Variants in C3orf20 observed in about 807,000 individuals in gnomAD.
The protein encoded by C3orf20 is uncharacterized protein C3orf20.
Under a neutral mutation model 88.3 loss-of-function variants are expected in C3orf20, and 76 were observed. The observed-to-expected ratio is 0.86, with a 90% confidence interval of 0.72 to 1.04. The LOEUF (loss-of-function observed/expected upper bound fraction) is 1.04. Ranked by LOEUF, C3orf20 falls within the 50% of genes least tolerant of loss-of-function variation. C3orf20 has a pLI of 0.00. For missense variants in C3orf20, 1,056 were observed against 1,123.3 expected, an observed-to-expected ratio of 0.94 and a Z score of 0.86; for synonymous variants, 436 against 437.4, an observed-to-expected ratio of 1.00 and a Z score of 0.04.
In C3orf20 at chr3:14,675,433, A is replaced by G. The variant is rs4685207; in HGVS notation, c.-299+181A>G. ...TACTGGGGGCGAGAGGCCAGGAATG[A>G]TATGATGGGTGTAGGTCATTGTCTA... On this transcript the variant is annotated intron_variant, in intron 1 of 16. Coordinates refer to ENST00000253697, the MANE Select transcript of C3orf20 (RefSeq NM_032137.5). Among the ~76,000 whole-genome samples, 151,698 of 152,258 alleles carry G rather than the reference A, an allele frequency of 1. 75,571 individuals carry two copies. The highest frequency in any genetic ancestry group is 1 in the East Asian group (5,172 of 5,172).
At chr3:14,712,703 A>G (rs1160169778) in intron 7 of C3orf20, among the ~76,000 whole-genome samples, 1 of 152,148 alleles carries the variant, frequency 6.6e-6, no homozygotes, top group African/African-American at 2.4e-5. Context: ...AAAATACAAT[A>G]CTGGATTTTA....
At chr3:14,713,152 AC>A (rs1462913217) in intron 7 of C3orf20, among the ~76,000 whole-genome samples, 6 of 152,120 alleles carry the variant, frequency 3.9e-5, no homozygotes, top group African/African-American at 1.4e-4. Flanking sequence ...AATTTATCCT[AC>A]TTGGAGTTTG....
At chr3:14,724,085 C>G (rs2034266107) in intron 10 of C3orf20, among the ~76,000 whole-genome samples, 1 of 152,098 alleles carries the variant, frequency 6.6e-6, no homozygotes. Flanking sequence ...TCCCAAAGTG[C>G]TGGGATTACA....
At position 14,682,645 on chromosome 3, in the gene C3orf20, A is replaced by G; in HGVS notation, c.-69A>G. ...CCATTCTGTCCATCTCCAAGCCTTC[A>G]CCGTAGGGAAGAACTTTTGCTCTCA... is the stretch of plus-strand genomic sequence containing the variant. On this transcript the variant is annotated 5_prime_UTR_variant, in exon 3 of 17. Coordinates refer to ENST00000253697, the MANE Select transcript of C3orf20 (RefSeq NM_032137.5). 1.3e-6 allele frequency: 2 copies of G among 1,531,346 alleles called. No homozygotes were observed. Among genetic ancestry groups the G allele is most frequent in the Admixed American group, 4.0e-5 (2 of 50,104 alleles). 94.9% of individuals were successfully genotyped at this position (1,531,346 alleles called of 1,614,324 possible).
intron 7 of C3orf20, among the ~76,000 whole-genome samples, chr3:14,708,489 C>G (rs1425620865): frequency 1.3e-5 from 2 of 148,404 alleles, no homozygotes; most frequent in Middle Eastern, 6.8e-3. Context: ...TTTTTCAAGA[C>G]TATTTTGGTT....
intron 1 of C3orf20, among the ~76,000 whole-genome samples, chr3:14,678,523 C>T (rs1381871760): frequency 6.6e-6 from 1 of 152,236 alleles, no homozygotes; most frequent in Admixed American, 6.5e-5. Context: ...CTTCCCCATC[C>T]CTGTCCCAGA....
At position 14,761,519 on chromosome 3, in the gene C3orf20, G is replaced by T; in HGVS notation, c.2399G>T (p.Gly800Val). 6.2e-7 allele frequency: 1 copy of T among 1,614,048 alleles called. No homozygotes were observed. The highest frequency in any genetic ancestry group is 8.5e-7 in the Non-Finnish European group (1 of 1,180,004). Residue 800 changes from glycine to valine, a missense_variant, in exon 15 of 17, where the codon GGA becomes GTA. Transcript: ENST00000253697. ...KLIFGGRVLN[G>V]YGLSKQNLLK... ...ATTTTTGGGGGCCGTGTTTTGAATG[G>T]ATATGGCCTCAGCAAGCAGAATCTG...
At chr3:14,747,556 A>G (rs116485392) in intron 12 of C3orf20, among the ~76,000 whole-genome samples, 2 of 152,332 alleles carry the variant, frequency 1.3e-5, no homozygotes, top group East Asian at 3.9e-4. Flanking sequence ...ACAGATAGAA[A>G]ACAAAAACTT....
At chr3:14,714,332 T>A (rs2033865852) in intron 8 of C3orf20, among the ~76,000 whole-genome samples, 173 bp downstream of exon 8, 2 of 152,184 alleles carry the variant, frequency 1.3e-5, no homozygotes, top group South Asian at 4.1e-4. Context: ...ATAGGAACTT[T>A]AAGGCTCAGC....
Position 14,715,374 on chromosome 3 carries a change from T to A in C3orf20, c.1399T>A (p.Ser467Thr), listed in dbSNP as rs1472991937. ...GYVVHKWSWT[S>T]RTETLLSLEY... is the part of the protein sequence containing the mutation. ...TGTAGTCCACAAGTGGAGCTGGACTTCCAGGACAGAGACCCTGCTTTCCCT... is the reference window on the plus strand; with the variant it reads ...TGTAGTCCACAAGTGGAGCTGGACTACCAGGACAGAGACCCTGCTTTCCCT... Residue 467 changes from serine to threonine, a missense_variant, in exon 9 of 17, where the codon TCC (serine) becomes ACC (threonine). Physicochemically the swap from Ser to Thr is moderately conservative, Grantham distance 58. Transcript: ENST00000253697. 5.6e-6 allele frequency: 9 copies of A among 1,612,250 alleles called. No homozygotes were observed. Among genetic ancestry groups the A allele is most frequent in the Non-Finnish European group, 7.6e-6 (9 of 1,179,780 alleles).
At chr3:14,743,867 C>G (rs924147003) in intron 12 of C3orf20, among the ~76,000 whole-genome samples, 11 of 152,034 alleles carry the variant, frequency 7.2e-5, no homozygotes, top group South Asian at 4.1e-4. Context: ...CACCAAGCCC[C>G]TAAGCTGCAC....
chr3:14,703,680 C>T (rs920135873), intron 6 of C3orf20, among the ~76,000 whole-genome samples: 10 of 152,228 alleles, frequency 6.6e-5, no homozygotes, highest in African/African-American at 2.4e-4. Context: ...TGCATGGCTC[C>T]TTACATTTAG....
intron 10 of C3orf20, among the ~76,000 whole-genome samples, chr3:14,723,842 ATT>A (rs1344877259): frequency 3.7e-4 from 46 of 123,810 alleles, no homozygotes; most frequent in African/African-American, 1.3e-3. Flanking sequence ...ATTTTATTTT[ATT>A]GAGACCAAGC....
chr3:14,684,809 G>T (rs2032309645), intron 4 of C3orf20, among the ~76,000 whole-genome samples: 1 of 152,218 alleles, frequency 6.6e-6, no homozygotes, highest in African/African-American at 2.4e-5. Context: ...CATGGCCTAT[G>T]TGGGTCAGTG....
intron 4 of C3orf20, among the ~76,000 whole-genome samples, chr3:14,686,078 T>C (rs547501966): frequency 6.6e-6 from 1 of 152,296 alleles, no homozygotes; most frequent in South Asian, 2.1e-4. Context: ...GCCAGGATGG[T>C]CTCGATCTCT....
At chr3:14,742,521 G>A (rs1055834977) in intron 12 of C3orf20, among the ~76,000 whole-genome samples, 1 of 152,152 alleles carries the variant, frequency 6.6e-6, no homozygotes, top group Admixed American at 6.5e-5. Flanking sequence ...TGATCTTAGA[G>A]CAATGTCTCC....
At chr3:14,733,036 G>T (rs1326319566) in intron 12 of C3orf20, among the ~76,000 whole-genome samples, 1 of 151,934 alleles carries the variant, frequency 6.6e-6, no homozygotes, top group Non-Finnish European at 1.5e-5. Flanking sequence ...GAATTACTTT[G>T]ATTTCAAATG....
intron 12 of C3orf20, among the ~76,000 whole-genome samples, chr3:14,747,040 G>C (rs1230025316): frequency 6.6e-6 from 1 of 152,166 alleles, no homozygotes; most frequent in Admixed American, 6.5e-5. Flanking sequence ...TTTATGACTG[G>C]GTTGAATTAA....
intron 7 of C3orf20, among the ~76,000 whole-genome samples, chr3:14,713,258 C>G (rs1244719960): frequency 6.6e-6 from 1 of 152,182 alleles, no homozygotes; most frequent in African/African-American, 2.4e-5. Flanking sequence ...CCTAATTTCT[C>G]TTGTCTCTCC....
Sources: allele counts gnomAD v4.1 joint callset (sites outside exome capture counted in the v4.1 genomes callset), GRCh38; gene constraint gnomAD v4.1.1; transcripts MANE v1.5; gene names NCBI Gene and HGNC (gene_info 2026-07-23, HGNC 2026-07-21).